Variants in ACOT7 observed in about 807,000 individuals in gnomAD.
The protein encoded by ACOT7 is cytosolic acyl coenzyme A thioester hydrolase.
In ACOT7, 12 loss-of-function variants were observed where a neutral mutation model predicts 40.2. The ratio of observed to expected loss-of-function variants is 0.30; its 90% confidence interval spans 0.19 to 0.48. ACOT7 has a LOEUF of 0.48. ACOT7 is among the 20% of genes least tolerant of loss of function. The pLI, the probability that ACOT7 is intolerant of heterozygous loss-of-function variation, is 0.99. For synonymous variants in ACOT7, 228 were observed against 219.5 expected (o/e 1.04, Z -0.34); for missense variants, 395 against 530.8 (o/e 0.74, Z 2.51).
At position 6,306,048 on chromosome 1, in the gene ACOT7, G is replaced by A. The variant is rs1251633402; in HGVS notation, c.713-11068C>T. On this transcript the variant is annotated intron_variant, in intron 6 of 8. Coordinates refer to ENST00000361521, the MANE Select transcript of ACOT7 (RefSeq NM_007274.4). The surrounding 1 kb of genome is among the most constrained non-coding windows in gnomAD (Gnocchi z 4.3). The stretch of plus-strand genomic sequence containing the variant: ...CCAAAAAAATACGAAAACCAGTCAG[G>A]CGTGGCGGCGCGCGCCTGCAATCGC... 6.6e-6 allele frequency among the ~76,000 whole-genome samples: 1 copy of A among 152,046 alleles called. No individual in the cohort carries two copies. Among genetic ancestry groups the A allele is most frequent in the African/African-American group, 2.4e-5 (1 of 41,366 alleles).
Position 6,306,704 on chromosome 1 carries a change from G to C in ACOT7, c.713-11724C>G. On this transcript the variant is annotated intron_variant, in intron 6 of 8. Coordinates refer to ENST00000361521, the MANE Select transcript of ACOT7 (RefSeq NM_007274.4). This position sits in a 1 kb window ranked among gnomAD's most constrained non-coding sequence, Gnocchi z 4.3. ...TTCACCTCTTGATCCCCCTAGACCA[G>C]AAGTTCCTCAAGAGTAGGGAACAGC... 1 of 985,412 alleles carries C rather than the reference G, an allele frequency of 1.0e-6. No individual in the cohort carries two copies. The highest frequency in any genetic ancestry group is 1.2e-6 in the Non-Finnish European group (1 of 829,930). 61.0% of individuals were successfully genotyped at this position (985,412 alleles called of 1,614,324 possible).
chr1:6,364,273 G>A (rs1641952689), intron 1 of ACOT7, among the ~76,000 whole-genome samples: 1 of 152,184 alleles, frequency 6.6e-6, no homozygotes, highest in Non-Finnish European at 1.5e-5. Flanking sequence ...GAGGTGTGGT[G>A]GCTCACACCT....
rs2148395373 is a variant in ACOT7 at position 6,294,610 on chromosome 1, A to G, written c.829+254T>C. Reference sequence around the variant, plus strand: ...AGAGCTCTGTCTGTGGAGCGTTTTCAGAGGGTGAGTTTAGGCAGGTCTTTA... The same window carrying G: ...AGAGCTCTGTCTGTGGAGCGTTTTCGGAGGGTGAGTTTAGGCAGGTCTTTA... On this transcript the variant is annotated intron_variant, in intron 7 of 8. Coordinates refer to ENST00000361521, the MANE Select transcript of ACOT7 (RefSeq NM_007274.4). The surrounding 1 kb of genome is among the most constrained non-coding windows in gnomAD (Gnocchi z 4.6). Among the ~76,000 whole-genome samples, 1 of 152,322 alleles carries G rather than the reference A, an allele frequency of 6.6e-6. No homozygotes were observed. Among genetic ancestry groups the G allele is most frequent in the Admixed American group, 6.5e-5 (1 of 15,304 alleles).
At chr1:6,350,006 T>C in intron 1 of ACOT7, 140 bp from the exon 2 acceptor site, 1 of 818,424 alleles carries the variant, frequency 1.2e-6, no homozygotes, top group Non-Finnish European at 2.0e-6. Flanking sequence ...TTTGGGCTCT[T>C]CCTAGGTGGT....
chr1:6,390,003 T>G (rs1642507536), intron 1 of ACOT7, among the ~76,000 whole-genome samples: 1 of 152,208 alleles, frequency 6.6e-6, no homozygotes, highest in Non-Finnish European at 1.5e-5. Flanking sequence ...TTGGCTGTGC[T>G]AGGCCAGGAG....
chr1:6,346,857 T>G (rs960822532), intron 2 of ACOT7, among the ~76,000 whole-genome samples: 1 of 152,012 alleles, frequency 6.6e-6, no homozygotes, highest in South Asian at 2.1e-4. Context: ...CAGAGCCTCA[T>G]GAGTTTGGGA....
intron 7 of ACOT7, among the ~76,000 whole-genome samples, chr1:6,284,576 CAAAAAAAA>C (rs561943319): frequency 4.8e-4 from 28 of 57,980 alleles, no homozygotes; most frequent in African/African-American, 1.8e-3. Flanking sequence ...AACTCCATCT[CAAAAAAAA>C]AAAAAAAAAA....
chr1:6,276,395 A>G (rs72854307), intron 8 of ACOT7, among the ~76,000 whole-genome samples: 3,315 of 152,128 alleles, frequency 0.022, 129 homozygotes, highest in African/African-American at 0.075. Flanking sequence ...GCCTGCCTCT[A>G]CGCGCTGAGT....
chr1:6,310,595 G>A (rs1640304345), intron 6 of ACOT7, among the ~76,000 whole-genome samples: 1 of 152,190 alleles, frequency 6.6e-6, no homozygotes, highest in South Asian at 2.1e-4. Context: ...CTCTAGCTGT[G>A]GGTTTCTGAG....
At chr1:6,319,431 G>C (rs944302823) in intron 5 of ACOT7, among the ~76,000 whole-genome samples, 15 of 152,166 alleles carry the variant, frequency 9.9e-5, no homozygotes, top group African/African-American at 3.4e-4. Context: ...GACCTCAAGT[G>C]ATCCACCCGC....
At position 6,369,151 on chromosome 1, in the gene ACOT7, G is replaced by A. The variant is rs190728586; in HGVS notation, c.144-19285C>T. Among the ~76,000 whole-genome samples, 12 of 151,210 alleles carry A rather than the reference G, an allele frequency of 7.9e-5. No individual in the cohort carries two copies. The East Asian group carries it at 2.0e-3, about 25-fold the overall frequency. ...CACACATGCCACCACATCTAGCTAC[G>A]TTTTGTATTAGTAGAGACGAGGTTT... On this transcript the variant is annotated intron_variant, in intron 1 of 8. Transcript: ENST00000361521.
At chr1:6,309,208 C>T (rs1182911308) in intron 6 of ACOT7, among the ~76,000 whole-genome samples, 2 of 152,226 alleles carry the variant, frequency 1.3e-5, no homozygotes, top group Non-Finnish European at 2.9e-5. Flanking sequence ...AAACCAGGTG[C>T]CAGGGCAGTG....
chr1:6,306,659 C>A lies in ACOT7; in HGVS notation c.713-11679G>T. 1 of 985,360 alleles carries A rather than the reference C, an allele frequency of 1.0e-6. No homozygotes were observed. The highest frequency in any genetic ancestry group is 1.2e-6 in the Non-Finnish European group (1 of 829,910). The allele number at this position is 985,360 out of a possible 1,614,324, so 61.0% of individuals were successfully genotyped here. ...CTCAGCTTCACGAGGAAGAAAGCGG[C>A]GTCCCAAAGCATTTGTTTGTTCACC... On this transcript the variant is annotated intron_variant, in intron 6 of 8. Transcript: ENST00000361521. This position sits in a 1 kb window ranked among gnomAD's most constrained non-coding sequence, Gnocchi z 4.3.
In ACOT7 at chr1:6,301,942, C is replaced by G. The variant is rs59818409; in HGVS notation, c.713-6962G>C. Among the ~76,000 whole-genome samples the G allele has an allele frequency of 6.6e-6, 1 of 152,186 alleles. No individual in the cohort carries two copies. The highest frequency in any genetic ancestry group is 1.5e-5 in the Non-Finnish European group (1 of 68,030). On this transcript the variant is annotated intron_variant, in intron 6 of 8. Coordinates refer to ENST00000361521, the MANE Select transcript of ACOT7 (RefSeq NM_007274.4). This position sits in a 1 kb window ranked among gnomAD's most constrained non-coding sequence, Gnocchi z 4.1. Reference sequence around the variant, plus strand: ...GGAAACCACGCAGAGTTTAGATCAGCGGCAGACCTGCTATGAAACAACAAC... The same window carrying G: ...GGAAACCACGCAGAGTTTAGATCAGGGGCAGACCTGCTATGAAACAACAAC...
chr1:6,339,378 G>A (rs141493506), intron 3 of ACOT7, 55 bp downstream of exon 3: 11 of 1,609,376 alleles, frequency 6.8e-6, no homozygotes, highest in Middle Eastern at 2.2e-4. Context: ...GAGGGAAGCA[G>A]CTGTGTAGCC....
chr1:6,390,579 T>C (rs1243830881), intron 1 of ACOT7, among the ~76,000 whole-genome samples: 1 of 148,790 alleles, frequency 6.7e-6, no homozygotes, highest in East Asian at 2.0e-4. Context: ...CTCCAAAAAA[T>C]AAAGAAACAA....
intron 7 of ACOT7, 59 bp from the exon 8 acceptor site, chr1:6,281,345 C>A: frequency 6.6e-7 from 1 of 1,516,850 alleles, no homozygotes; most frequent in Non-Finnish European, 9.1e-7. Flanking sequence ...GGGCGGGGGA[C>A]ACTGGCGTTT....
chr1:6,293,807 C>T (rs988620383), intron 7 of ACOT7, among the ~76,000 whole-genome samples: 1 of 152,256 alleles, frequency 6.6e-6, no homozygotes, highest in Non-Finnish European at 1.5e-5. Context: ...CTAGCCTTCT[C>T]TCAGTAATTC....
At chr1:6,271,282 T>C (rs1231216679) in intron 8 of ACOT7, among the ~76,000 whole-genome samples, 1 of 152,214 alleles carries the variant, frequency 6.6e-6, no homozygotes, top group African/African-American at 2.4e-5. Flanking sequence ...CTTGTCCTTT[T>C]TGTAATTAAT....
Sources: allele counts gnomAD v4.1 joint callset (sites outside exome capture counted in the v4.1 genomes callset), GRCh38; gene constraint gnomAD v4.1.1; non-coding constraint Gnocchi (gnomAD v3.1); transcripts MANE v1.5; gene names NCBI Gene and HGNC (gene_info 2026-07-23, HGNC 2026-07-21).